LIN9: variants seen among roughly 807,000 people sequenced by gnomAD.
The protein encoded by LIN9 is lin-9 DREAM MuvB core complex component, also known as protein lin-9 homolog.
In LIN9, 18 loss-of-function variants were observed where a neutral mutation model predicts 78.0. The observed-to-expected ratio is 0.23, with a 90% CI of 0.16 to 0.34. The LOEUF is 0.34. Ranked by LOEUF, LIN9 falls within the 10% of genes least tolerant of loss-of-function variation. LIN9 has a pLI of 1.00. For missense variants in LIN9, 451 were observed against 644.1 expected (o/e 0.70, Z 3.25); for synonymous variants, 192 against 215.2 (o/e 0.89, Z 0.94).
Position 226,309,131 on chromosome 1 carries a change from C to G in LIN9, c.9G>C (p.Glu3Asp). MAELDQLPDESSS... is the reference protein window; with the variant it reads MADLDQLPDESSS... The stretch of plus-strand genomic sequence containing the variant: ...CACTCTCGTCAGGCAACTGGTCGAG[C>G]TCCGCCATCTTGAACGAGCCGCGCC... Residue 3 changes from glutamate (E) to aspartate (D), a missense_variant, in exon 1 of 15, where the codon GAG becomes GAC. Physicochemically the swap from Glu to Asp is conservative, Grantham distance 45. Transcript: ENST00000681046. 1 of 1,346,766 alleles carries G rather than the reference C, an allele frequency of 7.4e-7. No individual in the cohort carries two copies. The highest frequency in any genetic ancestry group is 9.6e-7 in the Non-Finnish European group (1 of 1,036,444). 83.4% of individuals were successfully genotyped at this position (1,346,766 alleles called of 1,614,324 possible).
chr1:226,289,446 T>C (rs918426038), intron 4 of LIN9, among the ~76,000 whole-genome samples: 10 of 152,104 alleles, frequency 6.6e-5, no homozygotes, highest in African/African-American at 1.2e-4. Context: ...CACTACAGCC[T>C]TGACCTCCTG....
At chr1:226,274,976 CT>C (rs1216063332) in intron 7 of LIN9, among the ~76,000 whole-genome samples, 6 of 152,144 alleles carry the variant, frequency 3.9e-5, no homozygotes, top group African/African-American at 1.4e-4. Context: ...CAGAGTCTAT[CT>C]CTATTGATGG....
At chr1:226,240,744 GCATGAT>G (rs1658059916) in intron 11 of LIN9, among the ~76,000 whole-genome samples, 1 of 151,968 alleles carries the variant, frequency 6.6e-6, no homozygotes, top group African/African-American at 2.4e-5. Flanking sequence ...GACTGCAGTG[GCATGAT>G]CATAACTCAG....
chr1:226,232,650 T>G, intron 14 of LIN9, 44 bp from the exon 15 acceptor site: 2 of 1,300,634 alleles, frequency 1.5e-6, no homozygotes, highest in Non-Finnish European at 2.1e-6. Context: ...TTTCAAAAAA[T>G]TAAGAAAAAA....
intron 7 of LIN9, among the ~76,000 whole-genome samples, chr1:226,275,552 G>A (rs985025173): frequency 1.3e-5 from 2 of 151,828 alleles, no homozygotes; most frequent in Non-Finnish European, 2.9e-5. Flanking sequence ...AATATGTCGG[G>A]TGTGGTGGCG....
upstream of LIN9, chr1:226,309,229 G>T (rs750176001): frequency 1.4e-6 from 2 of 1,420,264 alleles, no homozygotes; most frequent in Non-Finnish European, 9.3e-7. Flanking sequence ...TTCGAATGCG[G>T]AGCTCGCTGC....
intron 4 of LIN9, among the ~76,000 whole-genome samples, chr1:226,289,588 C>A (rs2102634767): frequency 6.6e-6 from 1 of 152,170 alleles, no homozygotes; most frequent in East Asian, 1.9e-4. Flanking sequence ...TCCCAAACTC[C>A]TGGGCTCAAG....
At chr1:226,254,707 C>A (rs940980151) in intron 10 of LIN9, among the ~76,000 whole-genome samples, 2 of 151,726 alleles carry the variant, frequency 1.3e-5, no homozygotes, top group African/African-American at 4.8e-5. Flanking sequence ...GTCAGGAGAT[C>A]GAGACCATCC....
Position 226,297,696 on chromosome 1 carries a change from T to C in LIN9, c.159+23A>G, listed in dbSNP as rs184127026. On this transcript the variant is annotated intron_variant, in intron 3 of 14. Coordinates refer to ENST00000681046, the MANE Select transcript of LIN9 (RefSeq NM_001366245.2). Reference sequence around the variant, plus strand: ...CAACTTAGCTAGAATTATTCTAAAATGTAAGAAAAACTCACTCCTTACCAT... The same window carrying C: ...CAACTTAGCTAGAATTATTCTAAAACGTAAGAAAAACTCACTCCTTACCAT... The C allele has an allele frequency of 4.2e-5, 62 of 1,460,236 alleles. 1 individual carries two copies. In the African/African-American group the frequency reaches 8.2e-4, roughly 19 times the overall value. The allele number at this position is 1,460,236 out of a possible 1,614,324, so 90.5% of individuals were successfully genotyped here.
chr1:226,258,839 C>T (rs1659374326), intron 10 of LIN9, among the ~76,000 whole-genome samples: 1 of 120,388 alleles, frequency 8.3e-6, no homozygotes, highest in South Asian at 2.8e-4. Context: ...TGCAGTGAGC[C>T]GAGATCACGC....
chr1:226,288,701 T>A (rs1410283608), intron 4 of LIN9, among the ~76,000 whole-genome samples: 1 of 151,640 alleles, frequency 6.6e-6, no homozygotes, highest in African/African-American at 2.4e-5. Flanking sequence ...AAATTAAATA[T>A]GTAGGAATAT....
chr1:226,309,259 T>G, upstream of LIN9: 1 of 1,218,760 alleles, frequency 8.2e-7, no homozygotes. Context: ...CGCGCTGCGC[T>G]GCTCCCGCCG....
At chr1:226,269,170 T>C (rs562608879) in intron 7 of LIN9, among the ~76,000 whole-genome samples, 3 of 152,248 alleles carry the variant, frequency 2.0e-5, no homozygotes, top group East Asian at 1.9e-4. Context: ...AACATTTTAA[T>C]AGAACACAGA....
At chr1:226,292,305 C>T (rs769840853) in intron 4 of LIN9, among the ~76,000 whole-genome samples, 2 of 151,998 alleles carry the variant, frequency 1.3e-5, no homozygotes, top group East Asian at 1.9e-4. Flanking sequence ...GGACTACAGG[C>T]GTGTGCACCA....
intron 12 of LIN9, among the ~76,000 whole-genome samples, chr1:226,237,814 A>G (rs1657819643): frequency 6.9e-6 from 1 of 144,926 alleles, no homozygotes; most frequent in Non-Finnish European, 1.5e-5. Flanking sequence ...TTAGCCGGGC[A>G]TGGTGGTGCA....
At chr1:226,275,705 AAAAAAAAG>A (rs1399764751) in intron 7 of LIN9, among the ~76,000 whole-genome samples, 5 of 145,004 alleles carry the variant, frequency 3.4e-5, no homozygotes, top group South Asian at 2.2e-4. Context: ...AAAAAAAAAA[AAAAAAAAG>A]AAAAAAAGAA....
At chr1:226,243,010 T>C (rs1453602351) in intron 11 of LIN9, among the ~76,000 whole-genome samples, 4 of 152,248 alleles carry the variant, frequency 2.6e-5, no homozygotes, top group African/African-American at 9.6e-5. Context: ...GTAAAGCTCC[T>C]GGTCAACAGT....
intron 7 of LIN9, among the ~76,000 whole-genome samples, chr1:226,269,648 TG>T (rs1170208930): frequency 6.6e-6 from 1 of 152,034 alleles, no homozygotes; most frequent in Non-Finnish European, 1.5e-5. Flanking sequence ...TGACTGGTCA[TG>T]AAAGACAGCC....
intron 14 of LIN9, 111 bp downstream of exon 14, chr1:226,232,985 A>G (rs1010660854): frequency 3.2e-6 from 2 of 622,206 alleles, no homozygotes. Flanking sequence ...AAATATATTT[A>G]ACGGATAATA....
Sources: gnomAD v4.1 joint callset for allele counts (sites outside exome capture counted in the v4.1 genomes callset) on GRCh38, gnomAD v4.1.1 for gene constraint, MANE v1.5 for transcripts, NCBI Gene and HGNC (gene_info 2026-07-23, HGNC 2026-07-21) for gene names.